NSMAF: variants seen among roughly 807,000 people sequenced by gnomAD.
NSMAF encodes neutral sphingomyelinase activation associated factor.
In NSMAF, 90 loss-of-function variants were observed where a neutral mutation model predicts 134.9. The observed-to-expected ratio is 0.67, with a 90% CI of 0.56 to 0.79. The LOEUF (loss-of-function observed/expected upper bound fraction) is 0.79. Among genes scored for constraint, NSMAF ranks in the 30% least tolerant of loss-of-function variants. NSMAF has a pLI of 0.00. For missense variants in NSMAF, 1,010 were observed against 1,119.0 expected, an observed-to-expected ratio of 0.90 and a Z score of 1.39; for synonymous variants, 358 against 389.6, an observed-to-expected ratio of 0.92 and a Z score of 0.96.
intron 23 of NSMAF, among the ~76,000 whole-genome samples, chr8:58,592,842 G>A (rs1054934620): frequency 5.3e-5 from 8 of 151,748 alleles, no homozygotes; most frequent in Middle Eastern, 3.4e-3. Flanking sequence ...AGCCAAGATC[G>A]TGCCATTGCC....
intron 16 of NSMAF, chr8:58,600,274 A>G (rs906003191): frequency 4.2e-6 from 2 of 470,928 alleles, no homozygotes; most frequent in Non-Finnish European, 7.5e-6. Flanking sequence ...ATTAGCTACC[A>G]TATACACATT....
chr8:58,585,824 C>T (rs1805871104), intron 29 of NSMAF, 63 bp from the exon 30 acceptor site: 1 of 1,578,036 alleles, frequency 6.3e-7, no homozygotes, highest in Admixed American at 1.7e-5. Context: ...TTGAACTGGC[C>T]AATGTAAGCC....
At chr8:58,591,303 A>G (rs574093643) in intron 23 of NSMAF, among the ~76,000 whole-genome samples, 1 of 152,288 alleles carries the variant, frequency 6.6e-6, no homozygotes, top group East Asian at 1.9e-4. Context: ...ATACTAAATA[A>G]GACAAAAAGA....
chr8:58,592,395 T>C (rs1337437205), intron 23 of NSMAF, among the ~76,000 whole-genome samples: 1 of 152,160 alleles, frequency 6.6e-6, no homozygotes, highest in East Asian at 1.9e-4. Context: ...GAGGTCATCA[T>C]GTTAAAGACT....
intron 1 of NSMAF, among the ~76,000 whole-genome samples, chr8:58,643,820 C>T (rs114030808): frequency 0.027 from 4,121 of 152,190 alleles, 203 homozygotes; most frequent in African/African-American, 0.093. Context: ...CATGAGCCAC[C>T]GGCCCAGCCA....
intron 5 of NSMAF, among the ~76,000 whole-genome samples, chr8:58,633,656 G>A (rs1012794663): frequency 4.6e-5 from 7 of 152,080 alleles, no homozygotes; most frequent in Admixed American, 3.9e-4. Flanking sequence ...TCCATGAGTC[G>A]AATCTGTTAT....
intron 1 of NSMAF, among the ~76,000 whole-genome samples, chr8:58,656,489 C>A (rs1051917216): frequency 2.0e-5 from 3 of 152,200 alleles, no homozygotes; most frequent in East Asian, 3.9e-4. Context: ...ATATCATATG[C>A]CCAGTTACAT....
chr8:58,642,422 T>C (rs1300577699), intron 2 of NSMAF, among the ~76,000 whole-genome samples: 2 of 152,232 alleles, frequency 1.3e-5, no homozygotes, highest in Non-Finnish European at 2.9e-5. Flanking sequence ...TCTGTTTTTA[T>C]AGTAGTGAGT....
At chr8:58,602,182 CA>C in intron 13 of NSMAF, 45 bp from the exon 14 acceptor site, 1 of 1,425,596 alleles carries the variant, frequency 7.0e-7, no homozygotes, top group East Asian at 2.3e-5. Flanking sequence ...TACTTAGTAC[CA>C]TTAACCTCCT....
chr8:58,600,292 C>G, intron 16 of NSMAF: 1 of 395,698 alleles, frequency 2.5e-6, no homozygotes, highest in Non-Finnish European at 4.5e-6. Context: ...ATTGCCTCAT[C>G]CAAGGGCCAA....
At chr8:58,620,135 A>G (rs1806751125) in intron 9 of NSMAF, among the ~76,000 whole-genome samples, 1 of 152,184 alleles carries the variant, frequency 6.6e-6, no homozygotes, top group Non-Finnish European at 1.5e-5. Flanking sequence ...CAATGAAAAA[A>G]CCATTAGAAC....
intron 5 of NSMAF, among the ~76,000 whole-genome samples, chr8:58,633,238 T>C (rs1434060008): frequency 1.3e-5 from 2 of 152,208 alleles, no homozygotes; most frequent in Non-Finnish European, 2.9e-5. Flanking sequence ...AGTGTTCTCC[T>C]TGACTCACGC....
intron 16 of NSMAF, among the ~76,000 whole-genome samples, chr8:58,600,333 T>C (rs1348363851): frequency 6.6e-6 from 1 of 152,064 alleles, no homozygotes; most frequent in Non-Finnish European, 1.5e-5. Context: ...ACTGAAAGAT[T>C]AGCACCACTG....
intron 23 of NSMAF, among the ~76,000 whole-genome samples, chr8:58,592,129 T>C (rs1382384623): frequency 2.2e-4 from 34 of 152,182 alleles, no homozygotes. Context: ...TGCTTTTGAT[T>C]CTCTTAGGCA....
intron 11 of NSMAF, among the ~76,000 whole-genome samples, chr8:58,607,538 C>T (rs1020902901): frequency 6.6e-6 from 1 of 152,244 alleles, no homozygotes; most frequent in Non-Finnish European, 1.5e-5. Context: ...AGCCCTCTTG[C>T]TCTTGGAGCC....
In NSMAF at chr8:58,604,599, T is replaced by A. The variant is rs559997940; in HGVS notation, c.869-1213A>T. 6.0e-5 allele frequency among the ~76,000 whole-genome samples: 9 copies of A among 150,882 alleles called. No homozygotes were observed. The South Asian group carries it at 1.9e-3, about 31-fold the overall frequency. On this transcript the variant is annotated intron_variant, in intron 12 of 30. Coordinates refer to ENST00000038176, the MANE Select transcript of NSMAF (RefSeq NM_003580.4). ...CTACTTTAAAATAAAATATGTTCCC[T>A]ACTGAAAGCCAAGTATTCCTCCTTG...
At chr8:58,649,694 G>A (rs1173774320) in intron 1 of NSMAF, among the ~76,000 whole-genome samples, 2 of 152,154 alleles carry the variant, frequency 1.3e-5, no homozygotes, top group Admixed American at 1.3e-4. Flanking sequence ...TTGTTTAAAA[G>A]AGTCCAGAGC....
At chr8:58,598,958 G>A (rs187993754) in intron 19 of NSMAF, among the ~76,000 whole-genome samples, 321 of 152,150 alleles carry the variant, frequency 2.1e-3, no homozygotes, top group African/African-American at 7.5e-3. Context: ...CCAGGGAGTC[G>A]GAGGTTGCAG....
chr8:58,616,877 A>T (rs1178323220), intron 9 of NSMAF, among the ~76,000 whole-genome samples: 1 of 152,226 alleles, frequency 6.6e-6, no homozygotes. Flanking sequence ...AATTTAGAAG[A>T]GTCATAGTAT....
Sources: gnomAD v4.1 joint callset for allele counts (sites outside exome capture counted in the v4.1 genomes callset) on GRCh38, gnomAD v4.1.1 for gene constraint, MANE v1.5 for transcripts, NCBI Gene and HGNC (gene_info 2026-07-23, HGNC 2026-07-21) for gene names.